TMEM127: variants seen among roughly 807,000 people sequenced by gnomAD.
TMEM127 encodes transmembrane protein 127.
Under a neutral mutation model 20.1 loss-of-function variants are expected in TMEM127, and 21 were observed. The ratio of observed to expected loss-of-function variants is 1.04; its 90% CI spans 0.74 to 1.50. The LOEUF is 1.50. TMEM127 is among the 40% of genes most tolerant of loss of function. TMEM127 has a pLI of 0.00. For synonymous variants in TMEM127, 150 were observed against 144.7 expected, an observed-to-expected ratio of 1.04 and a Z score of -0.26; for missense variants, 303 against 317.4, an observed-to-expected ratio of 0.95 and a Z score of 0.34.
Position 96,249,193 on chromosome 2 carries a change from G to T in TMEM127, c.*4615C>A, listed in dbSNP as rs1225668164. 3 of 213,512 alleles carry T rather than the reference G, an allele frequency of 1.4e-5. No individual in the cohort carries two copies. Among genetic ancestry groups the T allele is most frequent in the Non-Finnish European group, 2.8e-5 (3 of 105,742 alleles). The allele number at this position is 213,512 out of a possible 1,614,324, so 13.2% of individuals were successfully genotyped here. On this transcript the variant is annotated 3_prime_UTR_variant, in exon 4 of 4. Coordinates refer to ENST00000258439, the MANE Select transcript of TMEM127 (RefSeq NM_017849.4). ...GCTCACTGCAACCTCTGCCTCCCGG[G>T]TTCAAGTGATTCTCCTGCCTCAGCC...
At chr2:96,258,434 C>T (rs1207102394) in intron 2 of TMEM127, among the ~76,000 whole-genome samples, 1 of 152,258 alleles carries the variant, frequency 6.6e-6, no homozygotes, top group Non-Finnish European at 1.5e-5. Context: ...CACGCATACC[C>T]TGCCTCAGGC....
chr2:96,253,528 A>C lies in TMEM127; in HGVS notation c.*280T>G. The C allele has an allele frequency of 2.1e-6, 1 of 474,880 alleles. No individual in the cohort carries two copies. 29.4% of individuals were successfully genotyped at this position (474,880 alleles called of 1,614,324 possible). A position where few individuals can be genotyped will look rare whatever the true frequency, so the allele number is the denominator to read the frequency against. ...CAAAGATATCGCCCATGCTGGAGGA[A>C]ACTTGGATGACCTTCCCTGGCTGGT... On this transcript the variant is annotated 3_prime_UTR_variant, in exon 4 of 4. Coordinates refer to ENST00000258439, the MANE Select transcript of TMEM127 (RefSeq NM_017849.4). The surrounding 1 kb of genome is among the most constrained non-coding windows in gnomAD (Gnocchi z 4.3).
intron 3 of TMEM127, 62 bp from the exon 4 acceptor site, chr2:96,254,177 G>C: frequency 6.3e-7 from 1 of 1,598,560 alleles, no homozygotes; most frequent in Non-Finnish European, 8.5e-7. Context: ...TAGGATGCTT[G>C]AGGACCCAAT....
intron 2 of TMEM127, among the ~76,000 whole-genome samples, chr2:96,256,038 C>A (rs1056326583): frequency 4.0e-5 from 6 of 151,626 alleles, no homozygotes; most frequent in African/African-American, 1.2e-4. Context: ...TTTGGGAGGC[C>A]GAGGCGGGCA....
At position 96,254,977 on chromosome 2, in the gene TMEM127, T is replaced by A; in HGVS notation, c.265A>T (p.Thr89Ser). ...GCGATGACCCGCAGGAGCAGCACTGTCTGGGGATTCATGCAGAAATCTGTA... is the reference window on the plus strand; with the variant it reads ...GCGATGACCCGCAGGAGCAGCACTGACTGGGGATTCATGCAGAAATCTGTA... ...LLKDFCMNPQTVLLLRVIAAF... is the reference protein window; with the variant it reads ...LLKDFCMNPQSVLLLRVIAAF... Residue 89 changes from threonine (T) to serine (S), a missense_variant, in exon 3 of 4, where the codon ACA (threonine) becomes TCA (serine). Coordinates refer to ENST00000258439, the MANE Select transcript of TMEM127 (RefSeq NM_017849.4). 6.2e-7 allele frequency: 1 copy of A among 1,614,182 alleles called. No individual in the cohort carries two copies. Among genetic ancestry groups the A allele is most frequent in the Non-Finnish European group, 8.5e-7 (1 of 1,180,018 alleles).
At chr2:96,254,724 C>T (rs1391139623) in intron 3 of TMEM127, 109 bp downstream of exon 3, 13 of 1,412,948 alleles carry the variant, frequency 9.2e-6, no homozygotes, top group Non-Finnish European at 1.3e-5. Flanking sequence ...CACATGAGCT[C>T]CTGGAAGGGT....
In TMEM127 at chr2:96,253,096, G is replaced by C; in HGVS notation, c.*712C>G. ...ATATTTAAAAGGTGAAGGGCTGGGA[G>C]ATGTAGTCCCCTTCACTCTGGTCCT... On this transcript the variant is annotated 3_prime_UTR_variant, in exon 4 of 4. Transcript: ENST00000258439. The surrounding 1 kb of genome is among the most constrained non-coding windows in gnomAD (Gnocchi z 4.3). 4.3e-6 allele frequency: 1 copy of C among 233,464 alleles called. No homozygotes were observed. Among genetic ancestry groups the C allele is most frequent in the East Asian group, 6.0e-5 (1 of 16,570 alleles). 14.5% of individuals were successfully genotyped at this position (233,464 alleles called of 1,614,324 possible).
rs535553860 is a variant in TMEM127 at position 96,252,146 on chromosome 2, G to A, written c.*1662C>T. ...GTGAACTGCAAGCAGCCACTGGCTC[G>A]TGTGCAGATGTGGCCCTCACCACCC... is the stretch of plus-strand genomic sequence containing the variant. On this transcript the variant is annotated 3_prime_UTR_variant, in exon 4 of 4. Transcript: ENST00000258439. The surrounding 1 kb of genome is among the most constrained non-coding windows in gnomAD (Gnocchi z 4.2). The A allele has an allele frequency of 1.1e-4, 26 of 233,348 alleles. No homozygotes were observed. The East Asian group carries it at 1.4e-3, about 12-fold the overall frequency. The allele number at this position is 233,348 out of a possible 1,614,324, so 14.5% of individuals were successfully genotyped here.
chr2:96,265,070 C>T (rs941891728), intron 2 of TMEM127, 68 bp downstream of exon 2: 7 of 1,599,048 alleles, frequency 4.4e-6, no homozygotes, highest in Non-Finnish European at 6.0e-6. Context: ...CCCTGGCTAT[C>T]TCTGCTTCAG....
Position 96,253,552 on chromosome 2 carries a change from G to T in TMEM127, c.*256C>A. 1 of 515,124 alleles carries T rather than the reference G, an allele frequency of 1.9e-6. No individual in the cohort carries two copies. Among genetic ancestry groups the T allele is most frequent in the South Asian group, 3.0e-5 (1 of 33,880 alleles). 31.9% of individuals were successfully genotyped at this position (515,124 alleles called of 1,614,324 possible). ...AAACTTGGATGACCTTCCCTGGCTG[G>T]TAATGACTCGTGAATGTGAAGGGGG... On this transcript the variant is annotated 3_prime_UTR_variant, in exon 4 of 4. Transcript: ENST00000258439. The surrounding 1 kb of genome is among the most constrained non-coding windows in gnomAD (Gnocchi z 4.3).
rs1040008397 is a variant in TMEM127 at position 96,265,646 on chromosome 2, G to T, written c.-131-134C>A. On this transcript the variant is annotated intron_variant, in intron 1 of 3. Transcript: ENST00000258439. The stretch of plus-strand genomic sequence containing the variant: ...GCGGGACGACAACCGAAGAGGGCCA[G>T]GGGCCAGATGGGGTCTGGGCAGACT... The T allele has an allele frequency of 1.4e-5, 5 of 369,066 alleles. No homozygotes were observed. The East Asian group carries it at 2.2e-4, about 16-fold the overall frequency. The allele number at this position is 369,066 out of a possible 1,614,324, so 22.9% of individuals were successfully genotyped here.
rs975996489 is a variant in TMEM127 at position 96,249,123 on chromosome 2, A to C, written c.*4685T>G. ...GTGTGTGTGTGTGTGTGTGTTTGAG[A>C]TGGAGTCTCACTCTGTCAGGCTGGA... On this transcript the variant is annotated 3_prime_UTR_variant, in exon 4 of 4. Coordinates refer to ENST00000258439, the MANE Select transcript of TMEM127 (RefSeq NM_017849.4). The C allele has an allele frequency of 1.3e-5, 3 of 227,948 alleles. No homozygotes were observed. The highest frequency in any genetic ancestry group is 6.7e-5 in the African/African-American group (3 of 44,678). The allele number at this position is 227,948 out of a possible 1,614,324, so 14.1% of individuals were successfully genotyped here. A position where few individuals can be genotyped will look rare whatever the true frequency, so the allele number is the denominator to read the frequency against.
At chr2:96,255,955 C>T (rs532345109) in intron 2 of TMEM127, among the ~76,000 whole-genome samples, 6 of 151,374 alleles carry the variant, frequency 4.0e-5, no homozygotes, top group Non-Finnish European at 8.8e-5. Context: ...CCTGGATGAC[C>T]GAGAGAGACC....
chr2:96,257,363 G>A (rs976930391), intron 2 of TMEM127, among the ~76,000 whole-genome samples: 3 of 152,142 alleles, frequency 2.0e-5, no homozygotes, highest in African/African-American at 7.2e-5. Context: ...TCGGGGGGCT[G>A]AGGCAGGAGA....
At chr2:96,255,422 A>T (rs1684184063) in intron 2 of TMEM127, among the ~76,000 whole-genome samples, 1 of 152,228 alleles carries the variant, frequency 6.6e-6, no homozygotes. Context: ...CTGATTCTCC[A>T]TTTACTCACT....
At position 96,250,115 on chromosome 2, in the gene TMEM127, A is replaced by C. The variant is rs1404961920; in HGVS notation, c.*3693T>G. ...AACACCCTCACTTAAGGCCAGGCAGAACCCTTCCTACTGTCACCAGTCATT... is the reference window on the plus strand; with the variant it reads ...AACACCCTCACTTAAGGCCAGGCAGCACCCTTCCTACTGTCACCAGTCATT... On this transcript the variant is annotated 3_prime_UTR_variant, in exon 4 of 4. Coordinates refer to ENST00000258439, the MANE Select transcript of TMEM127 (RefSeq NM_017849.4). 3 of 233,226 alleles carry C rather than the reference A, an allele frequency of 1.3e-5. No homozygotes were observed. The Admixed American group carries it at 1.7e-4, about 13-fold the overall frequency. The allele number at this position is 233,226 out of a possible 1,614,324, so 14.4% of individuals were successfully genotyped here.
chr2:96,262,279 A>AC (rs1175715725), intron 2 of TMEM127, among the ~76,000 whole-genome samples: 2 of 151,638 alleles, frequency 1.3e-5, no homozygotes, highest in African/African-American at 2.4e-5. Context: ...AAAAAAAAAA[A>AC]AACTCTATAT....
At chr2:96,263,184 A>G (rs1305724918) in intron 2 of TMEM127, among the ~76,000 whole-genome samples, 1 of 151,170 alleles carries the variant, frequency 6.6e-6, no homozygotes, top group Non-Finnish European at 1.5e-5. Context: ...CCTTCAGAGT[A>G]TCTGGGACTA....
chr2:96,254,771 C>CA (rs1456043180), intron 3 of TMEM127, 62 bp downstream of exon 3: 6 of 1,604,560 alleles, frequency 3.7e-6, no homozygotes, highest in African/African-American at 1.3e-5. Flanking sequence ...ACCGGCAACT[C>CA]AGACAGGATG....
Sources: allele counts gnomAD v4.1 joint callset (sites outside exome capture counted in the v4.1 genomes callset), GRCh38; gene constraint gnomAD v4.1.1; non-coding constraint Gnocchi (gnomAD v3.1); transcripts MANE v1.5; gene names NCBI Gene and HGNC (gene_info 2026-07-23, HGNC 2026-07-21).